CEP128: variants seen among roughly 807,000 people sequenced by gnomAD.
CEP128 encodes centrosomal protein 128, also known as centrosomal protein 128kDa.
In CEP128, 132 loss-of-function variants were observed where a neutral mutation model predicts 156.7. That is an observed-to-expected ratio of 0.84 (90% CI 0.73 to 0.97). CEP128 has a LOEUF of 0.97. CEP128 is among the 50% of genes least tolerant of loss of function. The probability of loss-of-function intolerance (pLI) is 0.00; values close to 1 mark genes in which losing one functional copy is unlikely to be tolerated. For missense variants in CEP128, 1,252 were observed against 1,281.9 expected (o/e 0.98, Z 0.36); for synonymous variants, 469 against 448.9 (o/e 1.04, Z -0.57).
intron 2 of CEP128, among the ~76,000 whole-genome samples, chr14:80,937,692 C>G (rs967119680): frequency 6.6e-6 from 1 of 152,054 alleles, no homozygotes; most frequent in South Asian, 2.1e-4. Flanking sequence ...GAAAAACATA[C>G]TATACAATAG....
intron 17 of CEP128, among the ~76,000 whole-genome samples, chr14:80,760,423 A>AG (rs1899901704): frequency 6.6e-6 from 1 of 152,108 alleles, no homozygotes; most frequent in South Asian, 2.1e-4. Context: ...AATTTAAGAT[A>AG]GAAAAAAAGG....
intron 19 of CEP128, among the ~76,000 whole-genome samples, chr14:80,592,593 C>A (rs1892126455): frequency 6.6e-6 from 1 of 152,182 alleles, no homozygotes; most frequent in African/African-American, 2.4e-5. Context: ...GGTACCATTC[C>A]TTCTGAAACT....
chr14:80,954,346 T>C (rs1173004970), intron 2 of CEP128, among the ~76,000 whole-genome samples: 1 of 152,166 alleles, frequency 6.6e-6, no homozygotes, highest in Non-Finnish European at 1.5e-5. Context: ...AGAATAGTAT[T>C]CCAATGTGGA....
intron 16 of CEP128, among the ~76,000 whole-genome samples, chr14:80,769,138 G>A (rs528101318): frequency 1.3e-5 from 2 of 151,768 alleles, no homozygotes; most frequent in East Asian, 1.9e-4. Context: ...CATTTGGAAC[G>A]AACATTGTTT....
At chr14:80,906,750 T>G (rs1883903488) in intron 4 of CEP128, among the ~76,000 whole-genome samples, 2 of 151,998 alleles carry the variant, frequency 1.3e-5, no homozygotes, top group African/African-American at 2.4e-5. Context: ...AAAAACATGC[T>G]AAATACTGAG....
chr14:80,705,138 A>ATCAGTATTC (rs1897197936), intron 19 of CEP128, among the ~76,000 whole-genome samples: 2 of 152,108 alleles, frequency 1.3e-5, no homozygotes, highest in Non-Finnish European at 2.9e-5. Context: ...GAAAGAAGTA[A>ATCAGTATTC]TCAGTATTCC....
chr14:80,801,786 T>G (rs1057286093), intron 13 of CEP128, among the ~76,000 whole-genome samples: 1 of 151,662 alleles, frequency 6.6e-6, no homozygotes, highest in Non-Finnish European at 1.5e-5. Flanking sequence ...TGGGTGCCTG[T>G]AGTCCCAGCT....
chr14:80,537,401 A>C (rs1056261658), intron 21 of CEP128, among the ~76,000 whole-genome samples: 2 of 152,184 alleles, frequency 1.3e-5, no homozygotes, highest in African/African-American at 2.4e-5. Context: ...AGAGGAAATA[A>C]AAGAATCATC....
chr14:80,701,151 T>C (rs997635090), intron 19 of CEP128, among the ~76,000 whole-genome samples: 2 of 152,136 alleles, frequency 1.3e-5, no homozygotes, highest in African/African-American at 2.4e-5. Flanking sequence ...CTGCTCCTGA[T>C]GACAAAGCCC....
rs1057382827 is a variant in CEP128 at position 80,906,050 on chromosome 14, T to C, written c.266A>G (p.Gln89Arg). The C allele has an allele frequency of 1.9e-6, 3 of 1,606,762 alleles. No individual in the cohort carries two copies. The highest frequency in any genetic ancestry group is 1.1e-5 in the South Asian group (1 of 89,324). Residue 89 changes from glutamine (Q) to arginine (R), a missense_variant, in exon 5 of 25, where the codon CAA (glutamine) becomes CGA (arginine). By Grantham distance (43) the Gln-to-Arg change is conservative. Transcript: ENST00000555265. ...TCTCAATAAACGTTGACTCCGGAGT[T>C]GGTCGATTGATTGTTCCAAGCTTTC... ...LKESLEQSID[Q>R]LRSQRLLRNS...
chr14:80,952,443 T>C (rs1886486630), intron 2 of CEP128, among the ~76,000 whole-genome samples: 1 of 152,128 alleles, frequency 6.6e-6, no homozygotes, highest in Non-Finnish European at 1.5e-5. Context: ...CTAAAAAGTA[T>C]TTTAAACTGA....
chr14:80,576,479 T>C (rs1891359642), intron 20 of CEP128, among the ~76,000 whole-genome samples: 1 of 152,178 alleles, frequency 6.6e-6, no homozygotes, highest in Admixed American at 6.5e-5. Context: ...ACAAGCTGTA[T>C]TGTTAAAAAT....
intron 19 of CEP128, among the ~76,000 whole-genome samples, chr14:80,653,266 T>C (rs1300128188): frequency 6.6e-6 from 1 of 152,064 alleles, no homozygotes; most frequent in Admixed American, 6.6e-5. Context: ...CAAATCACCA[T>C]GGCACGTTTA....
intron 17 of CEP128, among the ~76,000 whole-genome samples, chr14:80,758,493 G>C (rs952962712): frequency 6.8e-6 from 1 of 147,288 alleles, no homozygotes; most frequent in African/African-American, 2.5e-5. Context: ...TTGCACTCCA[G>C]TCTGGGGGAC....
intron 13 of CEP128, chr14:80,822,526 G>C (rs990815800): frequency 3.1e-5 from 20 of 650,428 alleles, no homozygotes; most frequent in African/African-American, 2.9e-4. Context: ...CCGCCACCAT[G>C]CCCAAGAGAA....
rs139461146 is a variant in CEP128, at chr14:80,864,394, T to C, written c.646-1521A>G. Among the ~76,000 whole-genome samples, 232 of 152,296 alleles carry C rather than the reference T, an allele frequency of 1.5e-3. 4 individuals carry two copies. In the East Asian group the frequency reaches 0.03, roughly 19 times the overall value. On this transcript the variant is annotated intron_variant, in intron 8 of 24. Transcript: ENST00000555265. ...TTCAATAAGTTGAATGACTTCTATA[T>C]TTCAGAAAAGAAGGCTGCTCTTATT...
intron 19 of CEP128, among the ~76,000 whole-genome samples, chr14:80,629,343 A>G (rs1422953035): frequency 6.6e-6 from 1 of 152,160 alleles, no homozygotes; most frequent in African/African-American, 2.4e-5. Context: ...AGTGTGTTAA[A>G]CATCTAGCAG....
intron 2 of CEP128, among the ~76,000 whole-genome samples, chr14:80,952,076 C>T (rs2139660650): frequency 6.6e-6 from 1 of 152,128 alleles, no homozygotes; most frequent in East Asian, 1.9e-4. Flanking sequence ...AATTTCAGTA[C>T]CCATGTCTCA....
chr14:80,669,036 T>C (rs1163571179), intron 19 of CEP128, among the ~76,000 whole-genome samples: 1 of 152,194 alleles, frequency 6.6e-6, no homozygotes, highest in Non-Finnish European at 1.5e-5. Flanking sequence ...TTACCCAGTC[T>C]AAGGTATGAC....
Sources: allele counts gnomAD v4.1 joint callset (sites outside exome capture counted in the v4.1 genomes callset), GRCh38; gene constraint gnomAD v4.1.1; transcripts MANE v1.5; gene names NCBI Gene and HGNC (gene_info 2026-07-23, HGNC 2026-07-21).